The following GPHN variants were observed in gnomAD, a reference collection of about 807,000 sequenced individuals.
The protein encoded by GPHN is gephyrin.
GPHN carries 17 observed loss-of-function variants against 95.5 expected under a neutral mutation model. The observed-to-expected ratio is 0.18, with a 90% CI of 0.12 to 0.27. The LOEUF (loss-of-function observed/expected upper bound fraction) is 0.27. GPHN is among the 10% of genes least tolerant of loss of function. GPHN has a pLI of 1.00. For missense variants in GPHN, 660 were observed against 978.1 expected (o/e 0.67, Z 4.34); for synonymous variants, 320 against 322.5 (o/e 0.99, Z 0.08).
the GPHN span, among the ~76,000 whole-genome samples, chr14:67,281,314 T>C: frequency 6.6e-6 from 1 of 152,210 alleles, no homozygotes; most frequent in Non-Finnish European, 1.5e-5. Flanking sequence ...ATCATAGATA[T>C]GTGTTCAGTC....
At chr14:67,393,065 T>G in the GPHN span, 1 of 1,101,458 alleles carries the variant, frequency 9.1e-7, no homozygotes. Context: ...CTGACCTCAA[T>G]ACAGGGCGGT....
the GPHN span, chr14:67,724,444 C>A: frequency 2.3e-6 from 3 of 1,322,652 alleles, no homozygotes; most frequent in African/African-American, 1.5e-5. Context: ...AAGGATGGTA[C>A]GTGATGCTCT....
At chr14:67,403,463 G>A in the GPHN span, among the ~76,000 whole-genome samples, 1 of 152,204 alleles carries the variant, frequency 6.6e-6, no homozygotes, top group Non-Finnish European at 1.5e-5. Flanking sequence ...TTGTCTGACT[G>A]TATGGTCCCC....
At chr14:66,816,597 G>T (rs1178764649) in intron 3 of GPHN, among the ~76,000 whole-genome samples, 1 of 152,150 alleles carries the variant, frequency 6.6e-6, no homozygotes. Context: ...TAAGTTCTTT[G>T]AAACTAATGT....
chr14:67,286,238 T>G, the GPHN span, among the ~76,000 whole-genome samples: 1 of 152,180 alleles, frequency 6.6e-6, no homozygotes, highest in African/African-American at 2.4e-5. Context: ...CTAGCACATA[T>G]ATCAGTCTTT....
chr14:66,939,703 C>G (rs2067309292), intron 8 of GPHN, among the ~76,000 whole-genome samples: 1 of 152,118 alleles, frequency 6.6e-6, no homozygotes, highest in Non-Finnish European at 1.5e-5. Context: ...CTATCATTCC[C>G]CCTCTGAAGA....
rs566518238 is a variant in GPHN, at chr14:67,073,295, C to T, written c.1144+14509C>T. Among the ~76,000 whole-genome samples the T allele has an allele frequency of 3.9e-3, 589 of 152,176 alleles. 5 individuals carry two copies. Among genetic ancestry groups the T allele is most frequent in the African/African-American group, 0.014 (565 of 41,548 alleles). On this transcript the variant is annotated intron_variant, in intron 11 of 22. Coordinates refer to ENST00000478722, the MANE Select transcript of GPHN (RefSeq NM_020806.5). Reference sequence around the variant, plus strand: ...TTTCTTTGCACAAAATCCTGACCAACAAATTCACCCATTGGACGTAAGTGC... The same window carrying T: ...TTTCTTTGCACAAAATCCTGACCAATAAATTCACCCATTGGACGTAAGTGC...
intron 18 of GPHN, among the ~76,000 whole-genome samples, chr14:67,158,594 T>A (rs528159659): frequency 1.3e-5 from 2 of 152,326 alleles, no homozygotes; most frequent in South Asian, 4.1e-4. Flanking sequence ...CATTTTTAGA[T>A]TAGTAAACCA....
the GPHN span, among the ~76,000 whole-genome samples, chr14:67,719,854 ACTAT>A: frequency 6.6e-6 from 1 of 152,162 alleles, no homozygotes; most frequent in African/African-American, 2.4e-5. Context: ...ACAGCTGTAT[ACTAT>A]CTATTATGTG....
At chr14:67,380,591 G>A in the GPHN span, 8 of 793,044 alleles carry the variant, frequency 1.0e-5, no homozygotes, top group East Asian at 5.7e-5. Flanking sequence ...TTGTTCCATA[G>A]TGTTTGGTTT....
the GPHN span, among the ~76,000 whole-genome samples, chr14:67,538,352 G>A: frequency 6.6e-6 from 1 of 152,216 alleles, no homozygotes; most frequent in African/African-American, 2.4e-5. Context: ...AGTCACAGAT[G>A]TGATGAGTTT....
intron 1 of GPHN, among the ~76,000 whole-genome samples, chr14:66,574,382 A>G (rs1381651939): frequency 6.6e-6 from 1 of 152,060 alleles, no homozygotes; most frequent in Non-Finnish European, 1.5e-5. Context: ...ATCTATGGTT[A>G]TTTTACTGCT....
chr14:67,439,541 C>CTT, the GPHN span, among the ~76,000 whole-genome samples: 3 of 133,410 alleles, frequency 2.2e-5, no homozygotes, highest in African/African-American at 9.2e-5. Context: ...TAGTTTCTTT[C>CTT]TTTCTTTCTT....
chr14:66,529,324 A>T (rs1426759374), intron 1 of GPHN, among the ~76,000 whole-genome samples: 1 of 151,900 alleles, frequency 6.6e-6, no homozygotes, highest in Non-Finnish European at 1.5e-5. Context: ...CAGGTCATTT[A>T]TGTTCTTCTC....
the GPHN span, among the ~76,000 whole-genome samples, chr14:67,567,900 A>G: frequency 1.3e-5 from 2 of 152,210 alleles, no homozygotes; most frequent in Admixed American, 6.5e-5. Context: ...TGGAGCAAAC[A>G]GATCCAGAAG....
chr14:66,991,480 G>C (rs2071414276), intron 9 of GPHN, among the ~76,000 whole-genome samples: 2 of 152,022 alleles, frequency 1.3e-5, no homozygotes, highest in Non-Finnish European at 2.9e-5. Context: ...ACAGGATAAG[G>C]CAGGGGACGG....
chr14:66,541,003 A>G (rs2059334731), intron 1 of GPHN, among the ~76,000 whole-genome samples: 2 of 151,814 alleles, frequency 1.3e-5, no homozygotes, highest in East Asian at 1.9e-4. Context: ...GGTGGAGTGC[A>G]GTGGCACGAT....
chr14:67,332,926 T>C, the GPHN span: 719 of 1,613,118 alleles, frequency 4.5e-4, 8 homozygotes, highest in South Asian at 7.5e-3. Flanking sequence ...ATACTGAACC[T>C]CAGTGGGTAC....
chr14:67,106,748 GT>G (rs2078062660), intron 13 of GPHN, among the ~76,000 whole-genome samples: 1 of 151,846 alleles, frequency 6.6e-6, no homozygotes, highest in South Asian at 2.1e-4. Flanking sequence ...TTTTGTTTTT[GT>G]TTTTGTTTTT....
Sources: allele counts gnomAD v4.1 joint callset (sites outside exome capture counted in the v4.1 genomes callset), GRCh38; gene constraint gnomAD v4.1.1; transcripts MANE v1.5; gene names NCBI Gene and HGNC (gene_info 2026-07-23, HGNC 2026-07-21).